FER1L6: variants seen among roughly 807,000 people sequenced by gnomAD.
FER1L6 encodes fer-1-like protein 6.
Under a neutral mutation model 219.2 loss-of-function variants are expected in FER1L6, and 177 were observed. The observed-to-expected ratio is 0.81, with a 90% CI of 0.71 to 0.91. The LOEUF (loss-of-function observed/expected upper bound fraction) is 0.91, where lower values mean the gene tolerates loss of function less well. Among genes scored for constraint, FER1L6 ranks in the 40% least tolerant of loss-of-function variants. The probability of loss-of-function intolerance (pLI) is 0.00; values close to 1 mark genes in which losing one functional copy is unlikely to be tolerated. For missense variants in FER1L6, 2,153 were observed against 2,259.9 expected, an observed-to-expected ratio of 0.95 and a Z score of 0.96; for synonymous variants, 768 against 824.3, an observed-to-expected ratio of 0.93 and a Z score of 1.17.
intron 14 of FER1L6, among the ~76,000 whole-genome samples, chr8:124,011,252 C>T (rs1817907147): frequency 6.6e-6 from 1 of 152,164 alleles, no homozygotes; most frequent in Admixed American, 6.5e-5. Flanking sequence ...TTCCCCTCTC[C>T]AGTCTTCTTA....
chr8:123,992,064 G>A (rs1266661766), intron 12 of FER1L6, among the ~76,000 whole-genome samples: 2 of 152,048 alleles, frequency 1.3e-5, no homozygotes, highest in Non-Finnish European at 2.9e-5. Context: ...TGATCATGGT[G>A]TATTTTCTTT....
intron 1 of FER1L6, among the ~76,000 whole-genome samples, chr8:123,908,060 A>G (rs1370798438): frequency 6.6e-6 from 1 of 152,170 alleles, no homozygotes; most frequent in East Asian, 1.9e-4. Context: ...ACCAAGCACC[A>G]TACCTGATAA....
intron 1 of FER1L6, among the ~76,000 whole-genome samples, chr8:123,896,494 T>TG (rs1441485941): frequency 1.3e-5 from 2 of 152,238 alleles, no homozygotes; most frequent in Non-Finnish European, 2.9e-5. Flanking sequence ...CCAGCCCTTC[T>TG]GCTTTGATTC....
At chr8:124,093,450 C>CCTA (rs1822138354) in intron 34 of FER1L6, among the ~76,000 whole-genome samples, 1 of 151,840 alleles carries the variant, frequency 6.6e-6, no homozygotes, top group Non-Finnish European at 1.5e-5. Context: ...TATGTTGACC[C>CCTA]CTACCACTTT....
chr8:123,856,349 T>TATATATATATATATATATATA (rs71289618), intron 1 of FER1L6, among the ~76,000 whole-genome samples: 4 of 134,522 alleles, frequency 3.0e-5, no homozygotes, highest in African/African-American at 1.1e-4. Context: ...TATATATATA[T>TATATATATATATATATATATA]TAGGGTCCAG....
chr8:123,970,909 A>G (rs1815776588), intron 6 of FER1L6, among the ~76,000 whole-genome samples: 1 of 152,220 alleles, frequency 6.6e-6, no homozygotes, highest in Non-Finnish European at 1.5e-5. Flanking sequence ...GACATACTGC[A>G]TCTACCTTAC....
chr8:124,118,138 G>A (rs1430060151), intron 39 of FER1L6, among the ~76,000 whole-genome samples: 1 of 152,084 alleles, frequency 6.6e-6, no homozygotes, highest in Non-Finnish European at 1.5e-5. Flanking sequence ...GGCATACAAA[G>A]GATCCCCAAA....
chr8:123,857,505 A>G (rs988297105), intron 1 of FER1L6, among the ~76,000 whole-genome samples: 4 of 152,192 alleles, frequency 2.6e-5, no homozygotes, highest in Middle Eastern at 6.3e-3. Context: ...GTGAGACACT[A>G]TCTCAGAAAA....
chr8:123,974,701 T>A (rs1815984083), intron 7 of FER1L6, among the ~76,000 whole-genome samples: 1 of 119,694 alleles, frequency 8.4e-6, no homozygotes. Context: ...AAGCCAGTAT[T>A]GCCAGAATTT....
At chr8:124,021,086 G>T (rs1586600523) in intron 16 of FER1L6, among the ~76,000 whole-genome samples, 1 of 152,096 alleles carries the variant, frequency 6.6e-6, no homozygotes, top group East Asian at 1.9e-4. Flanking sequence ...AGGGGGAAAA[G>T]CTTCTTATAA....
At chr8:123,886,493 A>G (rs1392253146) in intron 1 of FER1L6, among the ~76,000 whole-genome samples, 1 of 152,152 alleles carries the variant, frequency 6.6e-6, no homozygotes, top group Admixed American at 6.6e-5. Flanking sequence ...CCCAGCACAA[A>G]AGCCATCACC....
chr8:123,894,618 A>G (rs1183014887), intron 1 of FER1L6, among the ~76,000 whole-genome samples: 2 of 152,334 alleles, frequency 1.3e-5, no homozygotes, highest in East Asian at 3.9e-4. Flanking sequence ...TGACACTCCA[A>G]TAGCAATAGC....
intron 18 of FER1L6, among the ~76,000 whole-genome samples, chr8:124,035,023 G>A (rs1210131781): frequency 2.0e-5 from 3 of 152,192 alleles, no homozygotes; most frequent in South Asian, 4.1e-4. Context: ...AATGACCCAC[G>A]GCTTGGAAGA....
intron 20 of FER1L6, among the ~76,000 whole-genome samples, chr8:124,043,092 A>G (rs1819576599): frequency 6.6e-6 from 1 of 152,190 alleles, no homozygotes; most frequent in Non-Finnish European, 1.5e-5. Context: ...CTCTTACCCC[A>G]GTGCACCAAG....
At chr8:123,941,423 G>A (rs1270580028) in intron 1 of FER1L6, among the ~76,000 whole-genome samples, 1 of 152,174 alleles carries the variant, frequency 6.6e-6, no homozygotes, top group Admixed American at 6.5e-5. Flanking sequence ...GCAAAGATCT[G>A]GAGGGAGGGA....
At position 124,045,807 on chromosome 8, in the gene FER1L6, T is replaced by G; in HGVS notation, c.2630T>G (p.Leu877Arg). Reference protein sequence around the residue: ...QTLSPTWNQMLLFNDLVLHGD... With the variant: ...QTLSPTWNQMRLFNDLVLHGD... Reference sequence around the variant, plus strand: ...CTCTCTCCGACCTGGAACCAGATGCTGCTGTTCAATGATTTGGTGCTGCAT... The same window carrying G: ...CTCTCTCCGACCTGGAACCAGATGCGGCTGTTCAATGATTTGGTGCTGCAT... The change falls in exon 21 of 41, where the codon CTG (leucine) becomes CGG (arginine). Residue 877 changes from leucine (L) to arginine (R), a missense_variant. Physicochemically the swap from Leu to Arg is moderately radical, Grantham distance 102. Transcript: ENST00000522917. 1 of 1,614,132 alleles carries G rather than the reference T, an allele frequency of 6.2e-7. No individual in the cohort carries two copies. The highest frequency in any genetic ancestry group is 1.3e-5 in the African/African-American group (1 of 75,042).
intron 1 of FER1L6, among the ~76,000 whole-genome samples, chr8:123,905,514 T>C (rs892100210): frequency 1.3e-5 from 2 of 152,198 alleles, no homozygotes; most frequent in Non-Finnish European, 2.9e-5. Flanking sequence ...ATGTTTTTGC[T>C]ATTGTGAATA....
At chr8:123,898,733 T>C (rs562291903) in intron 1 of FER1L6, among the ~76,000 whole-genome samples, 27 of 143,560 alleles carry the variant, frequency 1.9e-4, no homozygotes, top group Non-Finnish European at 3.9e-4. Context: ...GTATATATAG[T>C]ATATATACAT....
intron 1 of FER1L6, among the ~76,000 whole-genome samples, chr8:123,904,224 T>TTGTGTGTGTGTGTGTGTGTGTG (rs56224402): frequency 2.8e-4 from 39 of 139,484 alleles, no homozygotes; most frequent in African/African-American, 7.3e-4. Flanking sequence ...CTCTGTATAT[T>TTGTGTGTGTGTGTGTGTGTGTG]TGTGTGTGTG....
Sources: allele counts gnomAD v4.1 joint callset (sites outside exome capture counted in the v4.1 genomes callset), GRCh38; gene constraint gnomAD v4.1.1; transcripts MANE v1.5; gene names NCBI Gene and HGNC (gene_info 2026-07-23, HGNC 2026-07-21).